The following ADAMTS2 variants were observed in gnomAD, a reference collection of about 807,000 sequenced individuals.
ADAMTS2 encodes ADAM metallopeptidase with thrombospondin type 1 motif 2, also known as A disintegrin and metalloproteinase with thrombospondin motifs 2.
In ADAMTS2, 50 loss-of-function variants were observed where a neutral mutation model predicts 123.0. The observed-to-expected ratio is 0.41, with a 90% CI of 0.32 to 0.51. ADAMTS2 has a LOEUF of 0.51. ADAMTS2 is among the 20% of genes least tolerant of loss of function. ADAMTS2 has a pLI of 0.35. For missense variants in ADAMTS2, 1,494 were observed against 1,705.2 expected (o/e 0.88, Z 2.18); for synonymous variants, 678 against 695.4 (o/e 0.98, Z 0.39).
intron 2 of ADAMTS2, among the ~76,000 whole-genome samples, chr5:179,297,216 G>A (rs1332960434): frequency 6.6e-6 from 1 of 152,190 alleles, no homozygotes; most frequent in Non-Finnish European, 1.5e-5. Flanking sequence ...CAGACTCATT[G>A]ACTCGGGAAA....
chr5:179,134,046 G>C (rs564738299), intron 13 of ADAMTS2, among the ~76,000 whole-genome samples: 4 of 152,080 alleles, frequency 2.6e-5, no homozygotes, highest in Non-Finnish European at 5.9e-5. Context: ...CAGGAGTGAC[G>C]TGATAGCCAC....
chr5:179,318,419 C>T (rs1372275748), intron 2 of ADAMTS2, among the ~76,000 whole-genome samples: 9 of 151,542 alleles, frequency 5.9e-5, no homozygotes, highest in East Asian at 3.9e-4. Flanking sequence ...AAGGAGATGC[C>T]GGGCGGGGCG....
intron 5 of ADAMTS2, among the ~76,000 whole-genome samples, chr5:179,173,872 G>T (rs962356212): frequency 6.6e-6 from 1 of 152,076 alleles, no homozygotes; most frequent in Non-Finnish European, 1.5e-5. Context: ...AATTAGCTGG[G>T]TGTGGTGGCA....
intron 2 of ADAMTS2, among the ~76,000 whole-genome samples, chr5:179,327,595 G>C (rs1757348829): frequency 6.6e-6 from 1 of 152,162 alleles, no homozygotes; most frequent in Admixed American, 6.5e-5. Flanking sequence ...GGCACATCCT[G>C]CGTTCGAAGC....
intron 2 of ADAMTS2, among the ~76,000 whole-genome samples, chr5:179,302,002 G>C (rs1248328046): frequency 6.6e-6 from 1 of 152,224 alleles, no homozygotes; most frequent in Non-Finnish European, 1.5e-5. Context: ...TCAGGCCCCA[G>C]GCTCCGGGAC....
intron 20 of ADAMTS2, 101 bp downstream of exon 20, chr5:179,122,543 A>G (rs1448589870): frequency 1.4e-6 from 2 of 1,474,460 alleles, no homozygotes; most frequent in Admixed American, 2.0e-5. Flanking sequence ...GAGTCCAGCT[A>G]CTCTCCGGGA....
rs1336513152 is a variant in ADAMTS2, at chr5:179,225,028, T to C, written c.689-17313A>G. 1.3e-5 allele frequency among the ~76,000 whole-genome samples: 2 copies of C among 152,236 alleles called. No individual in the cohort carries two copies. Among genetic ancestry groups the C allele is most frequent in the Non-Finnish European group, 2.9e-5 (2 of 68,048 alleles). ...GGGCCGCAGTTCACGCCCCACTTGTTTCTCCACATCCCTTTCCCACCTTGA... is the reference window on the plus strand; with the variant it reads ...GGGCCGCAGTTCACGCCCCACTTGTCTCTCCACATCCCTTTCCCACCTTGA... On this transcript the variant is annotated intron_variant, in intron 3 of 21. Transcript: ENST00000251582. This position sits in a 1 kb window ranked among gnomAD's most constrained non-coding sequence, Gnocchi z 4.5.
chr5:179,190,537 T>C (rs1561796579), intron 4 of ADAMTS2, among the ~76,000 whole-genome samples: 1 of 152,202 alleles, frequency 6.6e-6, no homozygotes, highest in Non-Finnish European at 1.5e-5. Context: ...GGGTTCAGCA[T>C]AATTATTTGC....
intron 2 of ADAMTS2, among the ~76,000 whole-genome samples, chr5:179,321,400 G>C (rs555380852): frequency 1.1e-4 from 17 of 152,292 alleles, no homozygotes; most frequent in African/African-American, 4.1e-4. Flanking sequence ...CACCTGGTCA[G>C]TCTAGCTTCC....
At chr5:179,287,257 C>A (rs976888789) in intron 2 of ADAMTS2, among the ~76,000 whole-genome samples, 12 of 152,194 alleles carry the variant, frequency 7.9e-5, no homozygotes, top group Admixed American at 7.9e-4. Context: ...AGTAGGAGCC[C>A]GCCCAGGGCT....
rs1457306177 is a variant in ADAMTS2, at chr5:179,152,365, A to G, written c.1516-110T>C. On this transcript the variant is annotated intron_variant, in intron 9 of 21. Transcript: ENST00000251582. ...TGAGATGCCCCAGTGGGACTGGCCC[A>G]TGATGGGCCCGTGAGGCTGGTGGGT... 2.9e-5 allele frequency: 30 copies of G among 1,027,812 alleles called. No individual in the cohort carries two copies. In the Admixed American group the frequency reaches 5.9e-4, roughly 20 times the overall value. The allele number at this position is 1,027,812 out of a possible 1,614,324, so 63.7% of individuals were successfully genotyped here.
At chr5:179,138,750 T>A (rs924084761) in intron 11 of ADAMTS2, among the ~76,000 whole-genome samples, 1 of 152,148 alleles carries the variant, frequency 6.6e-6, no homozygotes, top group Non-Finnish European at 1.5e-5. Flanking sequence ...AGGGAGGCTG[T>A]CCCACTGCGG....
rs996802755 is a variant in ADAMTS2, at chr5:179,162,675, T to C, written c.976-3796A>G. ...CCCCTACAGAAGCCACAGTCTGCTTTTGATAGAATCTCAGTCCCGCCTACC... is the reference window on the plus strand; with the variant it reads ...CCCCTACAGAAGCCACAGTCTGCTTCTGATAGAATCTCAGTCCCGCCTACC... On this transcript the variant is annotated intron_variant, in intron 5 of 21. Transcript: ENST00000251582. The surrounding 1 kb of genome is among the most constrained non-coding windows in gnomAD (Gnocchi z 5.1). 1.3e-5 allele frequency among the ~76,000 whole-genome samples: 2 copies of C among 152,204 alleles called. No homozygotes were observed. The highest frequency in any genetic ancestry group is 4.8e-5 in the African/African-American group (2 of 41,466).
rs371824678 is a variant in ADAMTS2, at chr5:179,111,540, C to T, written c.*2327G>A. ...CACAGAGGGTCATGGCTGTCAGTCCCAGAGGGCACCTTGCTCCCTTCAGCG... is the reference window on the plus strand; with the variant it reads ...CACAGAGGGTCATGGCTGTCAGTCCTAGAGGGCACCTTGCTCCCTTCAGCG... On this transcript the variant is annotated 3_prime_UTR_variant, in exon 22 of 22. Transcript: ENST00000251582. The T allele has an allele frequency of 6.6e-6, 1 of 152,280 alleles. No homozygotes were observed. Among genetic ancestry groups the T allele is most frequent in the South Asian group, 2.1e-4 (1 of 4,838 alleles). 9.4% of individuals were successfully genotyped at this position (152,280 alleles called of 1,614,324 possible). A position where few individuals can be genotyped will look rare whatever the true frequency, so the allele number is the denominator to read the frequency against.
chr5:179,322,259 T>C (rs1425960545), intron 2 of ADAMTS2, among the ~76,000 whole-genome samples: 2 of 152,196 alleles, frequency 1.3e-5, no homozygotes, highest in Non-Finnish European at 2.9e-5. Flanking sequence ...AATGCCAAAA[T>C]CTGATGGGAC....
chr5:179,205,802 C>T (rs1764672732), intron 4 of ADAMTS2, among the ~76,000 whole-genome samples: 1 of 122,172 alleles, frequency 8.2e-6, no homozygotes, highest in Non-Finnish European at 1.7e-5. Context: ...GACGGAGTCT[C>T]GCTCTGTCAC....
intron 4 of ADAMTS2, among the ~76,000 whole-genome samples, chr5:179,201,350 G>A (rs1425047819): frequency 6.6e-6 from 1 of 152,164 alleles, no homozygotes; most frequent in Non-Finnish European, 1.5e-5. Flanking sequence ...ATGTGAATAT[G>A]TCATATAAAT....
chr5:179,191,398 C>A (rs1764304124), intron 4 of ADAMTS2, among the ~76,000 whole-genome samples: 1 of 152,228 alleles, frequency 6.6e-6, no homozygotes, highest in Non-Finnish European at 1.5e-5. Context: ...ACGCCCGTCT[C>A]AGAGGCTGTG....
At chr5:179,116,916 T>C (rs903107209) in intron 21 of ADAMTS2, among the ~76,000 whole-genome samples, 9 of 151,914 alleles carry the variant, frequency 5.9e-5, no homozygotes, top group Non-Finnish European at 1.3e-4. Context: ...CCAAGAACCA[T>C]GCTCACAGTG....
Sources: allele counts gnomAD v4.1 joint callset (sites outside exome capture counted in the v4.1 genomes callset), GRCh38; gene constraint gnomAD v4.1.1; non-coding constraint Gnocchi (gnomAD v3.1); transcripts MANE v1.5; gene names NCBI Gene and HGNC (gene_info 2026-07-23, HGNC 2026-07-21).